The following CDH12 variants were observed in gnomAD, a reference collection of about 807,000 sequenced individuals.
CDH12 encodes the protein cadherin-12.
Under a neutral mutation model 74.1 loss-of-function variants are expected in CDH12, and 41 were observed. The observed-to-expected ratio is 0.55, with a 90% CI of 0.43 to 0.72. CDH12 has a LOEUF of 0.72. Ranked by LOEUF, CDH12 falls within the 30% of genes least tolerant of loss-of-function variation. CDH12 has a pLI of 0.00. For synonymous variants in CDH12, 399 were observed against 355.0 expected, an observed-to-expected ratio of 1.12 and a Z score of -1.39; for missense variants, 945 against 977.2, an observed-to-expected ratio of 0.97 and a Z score of 0.44.
chr5:22,127,560 G>A (rs1270220744), intron 4 of CDH12, among the ~76,000 whole-genome samples: 1 of 151,444 alleles, frequency 6.6e-6, no homozygotes, highest in Admixed American at 6.6e-5. Context: ...AGGAATCCAG[G>A]ATGACTTTAC....
At chr5:22,783,969 G>T (rs752263595) in intron 1 of CDH12, among the ~76,000 whole-genome samples, 1 of 152,000 alleles carries the variant, frequency 6.6e-6, no homozygotes, top group Non-Finnish European at 1.5e-5. Flanking sequence ...TTTAAAATCA[G>T]AAATATATAT....
At chr5:22,169,835 G>T (rs1480726887) in intron 4 of CDH12, among the ~76,000 whole-genome samples, 1 of 151,824 alleles carries the variant, frequency 6.6e-6, no homozygotes, top group African/African-American at 2.4e-5. Flanking sequence ...ACATTAACTT[G>T]TTTAAGGTCA....
rs144787420 is a variant in CDH12 at position 22,500,310 on chromosome 5, G to C, written c.-428+4960C>G. 4.7e-3 allele frequency among the ~76,000 whole-genome samples: 710 copies of C among 152,234 alleles called. 5 individuals are homozygous for C. Among genetic ancestry groups the C allele is most frequent in the African/African-American group, 0.016 (668 of 41,540 alleles). The stretch of plus-strand genomic sequence containing the variant: ...TAAATGTTATAGGAGAGAGCCAGCT[G>C]TCTCTATTTCCCTTCCTTGATTATT... On this transcript the variant is annotated intron_variant, in intron 2 of 14. Coordinates refer to ENST00000382254, the MANE Select transcript of CDH12 (RefSeq NM_004061.5).
intron 6 of CDH12, among the ~76,000 whole-genome samples, chr5:21,956,507 G>A (rs944180640): frequency 6.6e-6 from 1 of 151,802 alleles, no homozygotes; most frequent in Non-Finnish European, 1.5e-5. Flanking sequence ...TATTTATTCT[G>A]TTTACTACAT....
chr5:22,241,603 T>A (rs113775825), intron 3 of CDH12, among the ~76,000 whole-genome samples: 1 of 152,014 alleles, frequency 6.6e-6, no homozygotes. Flanking sequence ...TTTCATACAG[T>A]TTGTTAAGCT....
At chr5:21,898,477 C>T (rs969147601) in intron 6 of CDH12, among the ~76,000 whole-genome samples, 7 of 151,818 alleles carry the variant, frequency 4.6e-5, no homozygotes, top group Admixed American at 6.6e-5. Flanking sequence ...CTGAGGCGGG[C>T]GGATCAGGAG....
chr5:21,915,335 G>C (rs1754037720), intron 6 of CDH12, among the ~76,000 whole-genome samples: 1 of 152,062 alleles, frequency 6.6e-6, no homozygotes, highest in Non-Finnish European at 1.5e-5. Context: ...AGGAAAGCAT[G>C]AGAAAACAAA....
intron 10 of CDH12, 25 bp from the exon 11 acceptor site, chr5:21,783,519 A>C: frequency 6.4e-7 from 1 of 1,569,554 alleles, no homozygotes; most frequent in Non-Finnish European, 8.7e-7. Flanking sequence ...AGTAGATGCA[A>C]ATGTGCAATG....
chr5:22,828,026 G>A (rs956950332), intron 1 of CDH12, among the ~76,000 whole-genome samples: 1 of 152,142 alleles, frequency 6.6e-6, no homozygotes, highest in African/African-American at 2.4e-5. Flanking sequence ...TTATAGAACT[G>A]AGAAAGTCCT....
chr5:22,311,835 A>T (rs576940367), intron 3 of CDH12, among the ~76,000 whole-genome samples: 15 of 152,082 alleles, frequency 9.9e-5, no homozygotes, highest in Non-Finnish European at 2.2e-4. Context: ...TACCTCACAC[A>T]GCTCAGACTG....
At chr5:22,705,996 C>T (rs1476986968) in intron 1 of CDH12, among the ~76,000 whole-genome samples, 2 of 151,916 alleles carry the variant, frequency 1.3e-5, no homozygotes, top group African/African-American at 2.4e-5. Context: ...CATGATATGA[C>T]ATATGTTATT....
At chr5:21,895,374 C>T (rs552432721) in intron 6 of CDH12, among the ~76,000 whole-genome samples, 5 of 152,180 alleles carry the variant, frequency 3.3e-5, no homozygotes, top group Non-Finnish European at 5.9e-5. Context: ...AGTAGGCCGG[C>T]GGCCCTGGCA....
At chr5:22,091,951 C>CTT (rs536976688) in intron 4 of CDH12, among the ~76,000 whole-genome samples, 29 of 151,284 alleles carry the variant, frequency 1.9e-4, no homozygotes, top group African/African-American at 7.0e-4. Flanking sequence ...TTAAATTAGT[C>CTT]TTTTTTTTAT....
rs535160770 is a variant in CDH12, at chr5:22,403,377, C to T, written c.-333+1880G>A. Among the ~76,000 whole-genome samples, 18 of 152,228 alleles carry T rather than the reference C, an allele frequency of 1.2e-4. No individual in the cohort carries two copies. The South Asian group carries it at 3.7e-3, about 32-fold the overall frequency. The stretch of plus-strand genomic sequence containing the variant: ...AGCTTTTGCACCAAAGGAGTCTGCT[C>T]CAGAGAATTAATCAATCAATGCAAT... On this transcript the variant is annotated intron_variant, in intron 3 of 14. Transcript: ENST00000382254.
intron 4 of CDH12, among the ~76,000 whole-genome samples, chr5:22,094,990 G>A (rs554021640): frequency 6.6e-6 from 1 of 152,216 alleles, no homozygotes; most frequent in East Asian, 1.9e-4. Flanking sequence ...GCCCGCCTGT[G>A]CCCAGGTGAT....
chr5:22,659,910 A>G (rs905895709), intron 1 of CDH12, among the ~76,000 whole-genome samples: 1 of 152,158 alleles, frequency 6.6e-6, no homozygotes, highest in African/African-American at 2.4e-5. Context: ...GAAATTTAAC[A>G]TATATAGAAT....
intron 5 of CDH12, among the ~76,000 whole-genome samples, chr5:21,988,405 T>C (rs1757603800): frequency 7.1e-6 from 1 of 140,262 alleles, no homozygotes; most frequent in Non-Finnish European, 1.5e-5. Context: ...GGCAGGAGAA[T>C]GGCGTGAACC....
chr5:22,516,017 A>G (rs1263843622), intron 1 of CDH12, among the ~76,000 whole-genome samples: 1 of 152,132 alleles, frequency 6.6e-6, no homozygotes, highest in Non-Finnish European at 1.5e-5. Context: ...AACTCATTAA[A>G]CTGTTATTTA....
At chr5:21,896,791 T>G (rs1488010061) in intron 6 of CDH12, among the ~76,000 whole-genome samples, 1 of 152,160 alleles carries the variant, frequency 6.6e-6, no homozygotes, top group African/African-American at 2.4e-5. Context: ...AATGAGACTA[T>G]AGATTGACGA....
Sources: allele counts gnomAD v4.1 joint callset (sites outside exome capture counted in the v4.1 genomes callset), GRCh38; gene constraint gnomAD v4.1.1; transcripts MANE v1.5; gene names NCBI Gene and HGNC (gene_info 2026-07-23, HGNC 2026-07-21).